LANCL1: variants seen among roughly 807,000 people sequenced by gnomAD.
LANCL1 encodes glutathione S-transferase LANCL1.
In LANCL1, 50 loss-of-function variants were observed where a neutral mutation model predicts 50.6. The ratio of observed to expected loss-of-function variants is 0.99; its 90% CI spans 0.79 to 1.25. The LOEUF is 1.25. LANCL1 is among the 50% of genes most tolerant of loss of function. The probability of loss-of-function intolerance (pLI) is 0.00; values close to 1 mark genes in which losing one functional copy is unlikely to be tolerated. For synonymous variants in LANCL1, 188 were observed against 178.6 expected, an observed-to-expected ratio of 1.05 and a Z score of -0.42; for missense variants, 532 against 480.7, an observed-to-expected ratio of 1.11 and a Z score of -1.00.
chr2:210,438,135 T>TTC (rs1401906576), intron 6 of LANCL1, among the ~76,000 whole-genome samples: 23 of 145,712 alleles, frequency 1.6e-4, no homozygotes, highest in African/African-American at 5.5e-4. Flanking sequence ...TTTTCTTTCT[T>TTC]TTTTTTTTTT....
intron 3 of LANCL1, among the ~76,000 whole-genome samples, chr2:210,469,851 A>G (rs980681212): frequency 1.3e-5 from 2 of 152,188 alleles, no homozygotes; most frequent in Non-Finnish European, 2.9e-5. Flanking sequence ...CTTGAAATCA[A>G]TCCCCTTTTT....
chr2:210,438,431 G>A (rs1187837469), intron 6 of LANCL1, among the ~76,000 whole-genome samples: 4 of 152,014 alleles, frequency 2.6e-5, no homozygotes, highest in Admixed American at 1.3e-4. Context: ...CACTGTGCTC[G>A]GCATTTTGTA....
intron 2 of LANCL1, among the ~76,000 whole-genome samples, chr2:210,473,376 AAAC>A (rs554528717): frequency 8.6e-5 from 13 of 151,990 alleles, no homozygotes; most frequent in Non-Finnish European, 1.5e-4. Context: ...ACTCCATCTC[AAAC>A]AACAACAACA....
At chr2:210,476,456 C>A in intron 1 of LANCL1, 44 bp from the exon 2 acceptor site, 1 of 1,542,266 alleles carries the variant, frequency 6.5e-7, no homozygotes, top group Non-Finnish European at 8.7e-7. Context: ...AGATAGGGGC[C>A]TCGGCCGAGT....
intron 7 of LANCL1, 39 bp from the exon 8 acceptor site, chr2:210,436,431 A>G (rs768379567): frequency 1.3e-6 from 2 of 1,585,134 alleles, no homozygotes; most frequent in Admixed American, 3.4e-5. Flanking sequence ...TACGGGATAT[A>G]AAAGAAAGTT....
chr2:210,455,330 G>C lies in LANCL1; in HGVS notation c.200-16C>G. ...ACAGCAATACCTGAAAAAAAAAAAAGGAAACAATGTAAAGATGAGGAAAGG... is the reference window on the plus strand; with the variant it reads ...ACAGCAATACCTGAAAAAAAAAAAACGAAACAATGTAAAGATGAGGAAAGG... On this transcript the variant is annotated splice_polypyrimidine_tract_variant and intron_variant, in intron 3 of 9. Coordinates refer to ENST00000450366, the MANE Select transcript of LANCL1 (RefSeq NM_006055.3). 1 of 813,034 alleles carries C rather than the reference G, an allele frequency of 1.2e-6. No individual in the cohort carries two copies. Among genetic ancestry groups the C allele is most frequent in the Non-Finnish European group, 1.9e-6 (1 of 524,930 alleles). The allele number at this position is 813,034 out of a possible 1,614,324, so 50.4% of individuals were successfully genotyped here. A position where few individuals can be genotyped will look rare whatever the true frequency, so the allele number is the denominator to read the frequency against.
intron 3 of LANCL1, 60 bp downstream of exon 3, chr2:210,471,899 G>T: frequency 8.3e-7 from 1 of 1,206,474 alleles, no homozygotes; most frequent in Non-Finnish European, 1.2e-6. Context: ...ACAGCTCTCG[G>T]AAAAATGCTC....
chr2:210,473,187 C>T (rs1039992701), intron 2 of LANCL1, among the ~76,000 whole-genome samples: 3 of 152,104 alleles, frequency 2.0e-5, no homozygotes, highest in African/African-American at 4.8e-5. Flanking sequence ...ACCAGTCTGA[C>T]CAACATGGAG....
Position 210,435,421 on chromosome 2 carries a change from G to A in LANCL1, c.1089C>T (p.Cys363=), listed in dbSNP as rs1267833618. The A allele has an allele frequency of 6.2e-7, 1 of 1,613,406 alleles. No homozygotes were observed. Among genetic ancestry groups the A allele is most frequent in the Non-Finnish European group, 8.5e-7 (1 of 1,179,468 alleles). Residue 363 remains cysteine (C), a synonymous_variant, in exon 9 of 10, where the codon TGC becomes TGT. Transcript: ENST00000450366. ...GAGAGAAAGGGGTGTCTGGTGTTCT[G>A]CATCCATGTTCTCCATACTCTAAGC... is the stretch of plus-strand genomic sequence containing the variant. ...EWCLEYGEHG[C]RTPDTPFSLF...
chr2:210,437,644 AT>A (rs1553710720), intron 7 of LANCL1, 45 bp downstream of exon 7: 3 of 1,205,010 alleles, frequency 2.5e-6, no homozygotes, highest in South Asian at 2.1e-5. Flanking sequence ...TAAATTATAA[AT>A]TTTTGGTTAT....
chr2:210,438,428 C>A (rs1444384452), intron 6 of LANCL1, among the ~76,000 whole-genome samples: 3 of 152,282 alleles, frequency 2.0e-5, no homozygotes, highest in African/African-American at 7.2e-5. Flanking sequence ...AGCCACTGTG[C>A]TCGGCATTTT....
intron 4 of LANCL1, among the ~76,000 whole-genome samples, chr2:210,449,740 A>T (rs547089039): frequency 5.9e-5 from 9 of 152,342 alleles, no homozygotes; most frequent in Non-Finnish European, 1.0e-4. Flanking sequence ...ACTCCCATTC[A>T]CAATTGTTAC....
intron 3 of LANCL1, among the ~76,000 whole-genome samples, chr2:210,469,859 T>C (rs879858090): frequency 6.6e-6 from 1 of 152,182 alleles, no homozygotes; most frequent in Non-Finnish European, 1.5e-5. Context: ...CAATCCCCTT[T>C]TTTTTCCTCC....
At chr2:210,464,983 A>AACAAAAAAAC (rs1553714475) in intron 3 of LANCL1, among the ~76,000 whole-genome samples, 1 of 64,568 alleles carries the variant, frequency 1.5e-5, no homozygotes, top group African/African-American at 4.0e-5. Context: ...AAAAAAAAAA[A>AACAAAAAAAC]AAAAAAAACT....
intron 3 of LANCL1, chr2:210,471,440 T>C (rs1048818106): frequency 5.4e-6 from 2 of 369,664 alleles, no homozygotes; most frequent in South Asian, 4.1e-5. Context: ...AGATTGGCAA[T>C]GCAGCAATTG....
intron 6 of LANCL1, among the ~76,000 whole-genome samples, chr2:210,440,180 C>T (rs1693083588): frequency 6.6e-6 from 1 of 152,140 alleles, no homozygotes; most frequent in Non-Finnish European, 1.5e-5. Context: ...AACAAGTGCT[C>T]ATTTGTTTTC....
At chr2:210,472,393 T>A (rs1258610849) in intron 2 of LANCL1, among the ~76,000 whole-genome samples, 2 of 152,192 alleles carry the variant, frequency 1.3e-5, no homozygotes, top group Non-Finnish European at 2.9e-5. Context: ...TATAATAAAG[T>A]CTTTTTATTA....
chr2:210,477,094 G>A (rs963171204), upstream of LANCL1, among the ~76,000 whole-genome samples: 1 of 151,616 alleles, frequency 6.6e-6, no homozygotes, highest in Non-Finnish European at 1.5e-5. Context: ...AATTTGGCGG[G>A]GGGTGGGGGG....
intron 3 of LANCL1, among the ~76,000 whole-genome samples, chr2:210,458,399 C>A (rs2105912307): frequency 6.6e-6 from 1 of 152,228 alleles, no homozygotes; most frequent in East Asian, 1.9e-4. Context: ...TTGAAATGCA[C>A]CCATTTTAAG....
Sources: gnomAD v4.1 joint callset for allele counts (sites outside exome capture counted in the v4.1 genomes callset) on GRCh38, gnomAD v4.1.1 for gene constraint, MANE v1.5 for transcripts, NCBI Gene and HGNC (gene_info 2026-07-23, HGNC 2026-07-21) for gene names.